Variants in ERC1 observed in about 807,000 individuals in gnomAD.
ERC1 encodes RAB6 interacting protein 2.
A neutral mutation model predicts 132.0 loss-of-function variants in ERC1; 56 were observed. The ratio of observed to expected loss-of-function variants is 0.42; its 90% confidence interval spans 0.34 to 0.53. ERC1 has a LOEUF of 0.53. ERC1 is among the 20% of genes least tolerant of loss of function. The pLI is 0.03. For missense variants in ERC1, 1,202 were observed against 1,349.9 expected, an observed-to-expected ratio of 0.89 and a Z score of 1.72; for synonymous variants, 478 against 476.1, an observed-to-expected ratio of 1.00 and a Z score of -0.05.
At chr12:1,121,865 A>G (rs79655600) in intron 7 of ERC1, among the ~76,000 whole-genome samples, 3 of 61,714 alleles carry the variant, frequency 4.9e-5, no homozygotes, top group Non-Finnish European at 9.6e-5. Flanking sequence ...CTCTATCTCT[A>G]TCTCTATCTC....
intron 12 of ERC1, among the ~76,000 whole-genome samples, chr12:1,198,267 C>T (rs187533582): frequency 4.6e-5 from 7 of 152,178 alleles, no homozygotes; most frequent in African/African-American, 7.2e-5. Flanking sequence ...TTTCCATGTT[C>T]GAAGCCAATA....
chr12:1,098,961 G>GGA (rs1472719874), intron 3 of ERC1, among the ~76,000 whole-genome samples: 2 of 152,202 alleles, frequency 1.3e-5, no homozygotes, highest in Non-Finnish European at 2.9e-5. Flanking sequence ...ACTAAAAACA[G>GGA]GAGAGTGTGA....
chr12:1,008,794 T>C (rs1478468117), intron 1 of ERC1, among the ~76,000 whole-genome samples: 1 of 152,232 alleles, frequency 6.6e-6, no homozygotes, highest in East Asian at 1.9e-4. Context: ...ACTTTTCCAG[T>C]AATGGAATTA....
chr12:1,445,970 G>A (rs985300636), intron 18 of ERC1, among the ~76,000 whole-genome samples: 3 of 152,136 alleles, frequency 2.0e-5, no homozygotes, highest in African/African-American at 7.2e-5. Flanking sequence ...CAGCATGGTT[G>A]GTTTCTGGTT....
chr12:1,102,877 C>T (rs1238266929), intron 3 of ERC1, among the ~76,000 whole-genome samples: 1 of 151,944 alleles, frequency 6.6e-6, no homozygotes, highest in African/African-American at 2.4e-5. Context: ...AAACGTTGAA[C>T]ATTCATTTTG....
intron 2 of ERC1, among the ~76,000 whole-genome samples, chr12:1,064,089 T>C (rs1938601318): frequency 1.3e-5 from 2 of 152,178 alleles, no homozygotes; most frequent in Admixed American, 1.3e-4. Flanking sequence ...CCCCACCCCC[T>C]TCATTCAGCA....
chr12:1,082,924 A>G (rs548808925), intron 2 of ERC1, among the ~76,000 whole-genome samples: 1 of 152,340 alleles, frequency 6.6e-6, no homozygotes, highest in East Asian at 1.9e-4. Context: ...TAGTTTATGC[A>G]AAGTGAGGAG....
At chr12:1,223,518 G>A (rs1318783062) in intron 12 of ERC1, among the ~76,000 whole-genome samples, 1 of 152,190 alleles carries the variant, frequency 6.6e-6, no homozygotes, top group African/African-American at 2.4e-5. Context: ...TGATATTCAT[G>A]ATATAAGTTC....
intron 16 of ERC1, among the ~76,000 whole-genome samples, chr12:1,397,682 A>G (rs2090654560): frequency 6.6e-6 from 1 of 152,202 alleles, no homozygotes; most frequent in South Asian, 2.1e-4. Context: ...TACCCAAAAA[A>G]GTTACCTCTA....
At chr12:1,042,338 GTTTTTTTT>G (rs776086251) in intron 2 of ERC1, among the ~76,000 whole-genome samples, 2 of 121,002 alleles carry the variant, frequency 1.7e-5, no homozygotes, top group Admixed American at 2.0e-4. Flanking sequence ...CGCCCGGCCT[GTTTTTTTT>G]TTTTTTTTTT....
chr12:1,172,744 C>G (rs1332760770), intron 8 of ERC1, among the ~76,000 whole-genome samples: 1 of 149,084 alleles, frequency 6.7e-6, no homozygotes, highest in Non-Finnish European at 1.5e-5. Context: ...GTATCCTTTT[C>G]TGTAACAATT....
rs1592150092 is a variant in ERC1, at chr12:1,452,584, T to C, written c.3213+7834T>C. On this transcript the variant is annotated intron_variant, in intron 18 of 18. Coordinates refer to ENST00000360905, the MANE Select transcript of ERC1 (RefSeq NM_178040.4). ...TACCATTATGTATTTGTTAGATCAT[T>C]TGATATTGTCCCATATCTCTTGGAT... Among the ~76,000 whole-genome samples the C allele has an allele frequency of 3.3e-5, 5 of 152,362 alleles. No homozygotes were observed. The South Asian group carries it at 1.0e-3, about 32-fold the overall frequency.
intron 15 of ERC1, among the ~76,000 whole-genome samples, chr12:1,298,146 C>T (rs114827654): frequency 0.01 from 1,589 of 152,152 alleles, 26 homozygotes; most frequent in African/African-American, 0.036. Flanking sequence ...ACGAAGTGTT[C>T]GATGTGAAGT....
intron 1 of ERC1, among the ~76,000 whole-genome samples, chr12:998,853 CTTTTTTTTT>C (rs527367596): frequency 9.8e-6 from 1 of 102,466 alleles, no homozygotes; most frequent in Non-Finnish European, 1.9e-5. Context: ...TTCTCTGTCA[CTTTTTTTTT>C]TTTTTTTTTT....
At chr12:1,332,609 GGTAGCC>G (rs1465452117) in intron 15 of ERC1, among the ~76,000 whole-genome samples, 1 of 152,176 alleles carries the variant, frequency 6.6e-6, no homozygotes, top group African/African-American at 2.4e-5. Context: ...CCTGTCCACT[GGTAGCC>G]GTCTCTTTAG....
intron 18 of ERC1, among the ~76,000 whole-genome samples, chr12:1,466,200 G>A (rs1171645846): frequency 1.3e-5 from 2 of 152,106 alleles, no homozygotes; most frequent in Non-Finnish European, 2.9e-5. Context: ...GGCAGGGTTG[G>A]TTTCTCCTGA....
intron 18 of ERC1, among the ~76,000 whole-genome samples, chr12:1,472,369 C>T (rs2093880092): frequency 6.6e-6 from 1 of 152,050 alleles, no homozygotes; most frequent in Non-Finnish European, 1.5e-5. Flanking sequence ...AAAATCTAGG[C>T]CAAGCACAGT....
At chr12:1,222,926 A>G (rs1326582058) in intron 12 of ERC1, among the ~76,000 whole-genome samples, 1 of 152,230 alleles carries the variant, frequency 6.6e-6, no homozygotes, top group East Asian at 1.9e-4. Context: ...TACAAGGAAG[A>G]TATTTATTTT....
chr12:1,140,827 GA>G (rs1949795023), intron 7 of ERC1, among the ~76,000 whole-genome samples: 1 of 151,838 alleles, frequency 6.6e-6, no homozygotes, highest in African/African-American at 2.4e-5. Context: ...GAGTTAGTAT[GA>G]AAAAATATAA....
Sources: gnomAD v4.1 joint callset for allele counts (sites outside exome capture counted in the v4.1 genomes callset) on GRCh38, gnomAD v4.1.1 for gene constraint, MANE v1.5 for transcripts, NCBI Gene and HGNC (gene_info 2026-07-23, HGNC 2026-07-21) for gene names.